Variants in CNTN5 observed in about 807,000 individuals in gnomAD.
CNTN5 encodes contactin 5.
In CNTN5, 77 loss-of-function variants were observed where a neutral mutation model predicts 129.1. That is an observed-to-expected ratio of 0.60 (90% CI 0.50 to 0.72). The LOEUF (loss-of-function observed/expected upper bound fraction) is 0.72. Among genes scored for constraint, CNTN5 ranks in the 30% least tolerant of loss-of-function variants. CNTN5 has a pLI of 0.00. For missense variants in CNTN5, 1,478 were observed against 1,328.8 expected, an observed-to-expected ratio of 1.11 and a Z score of -1.75; for synonymous variants, 509 against 465.6, an observed-to-expected ratio of 1.09 and a Z score of -1.20.
chr11:99,884,664 T>A (rs1165383874), intron 6 of CNTN5, among the ~76,000 whole-genome samples: 2 of 152,146 alleles, frequency 1.3e-5, no homozygotes, highest in Non-Finnish European at 2.9e-5. Flanking sequence ...CTGTAGAACA[T>A]ATATTACAGA....
chr11:99,390,723 T>A (rs1386386990), intron 2 of CNTN5, among the ~76,000 whole-genome samples: 2 of 152,152 alleles, frequency 1.3e-5, no homozygotes, highest in Non-Finnish European at 2.9e-5. Context: ...CTTCGAACAT[T>A]CCTGGCTACA....
intron 1 of CNTN5, among the ~76,000 whole-genome samples, chr11:99,315,129 T>C (rs369910103): frequency 1.3e-5 from 2 of 149,268 alleles, no homozygotes; most frequent in Non-Finnish European, 3.0e-5. Flanking sequence ...GAATACCCTC[T>C]AGTAGTCATG....
At chr11:99,375,468 A>T (rs1940123700) in intron 2 of CNTN5, among the ~76,000 whole-genome samples, 1 of 152,130 alleles carries the variant, frequency 6.6e-6, no homozygotes, top group African/African-American at 2.4e-5. Flanking sequence ...AGGAGCTAGT[A>T]TTGAGGAATG....
chr11:99,220,897 T>C (rs573471051), intron 1 of CNTN5, among the ~76,000 whole-genome samples: 11 of 151,980 alleles, frequency 7.2e-5, no homozygotes, highest in Non-Finnish European at 1.5e-4. Flanking sequence ...AAAATCAGCT[T>C]TTTAGTCTAC....
At chr11:99,226,403 G>A (rs1035946334) in intron 1 of CNTN5, among the ~76,000 whole-genome samples, 3 of 152,110 alleles carry the variant, frequency 2.0e-5, no homozygotes, top group African/African-American at 7.2e-5. Flanking sequence ...ACAAACAGGT[G>A]ACTTTGAATG....
chr11:99,894,436 A>G (rs1279714966), intron 6 of CNTN5, among the ~76,000 whole-genome samples: 1 of 147,110 alleles, frequency 6.8e-6, no homozygotes, highest in Non-Finnish European at 1.5e-5. Context: ...TTCACAAGCT[A>G]TTTTTGTTTA....
In CNTN5 at chr11:99,339,199, A is replaced by C. The variant is rs1443846590; in HGVS notation, c.-71+13715A>C. On this transcript the variant is annotated intron_variant, in intron 2 of 24. Transcript: ENST00000524871. ...AAAAATTAAAAATGAAAACATTAAA[A>C]TAAAAAAACTTTATCCTTTTGAAAT... 2.3e-3 allele frequency among the ~76,000 whole-genome samples: 8 copies of C among 3,518 alleles called. No homozygotes were observed. The East Asian group carries it at 0.33, about 147-fold the overall frequency. 2.3% of individuals were successfully genotyped at this position (3,518 alleles called of 152,430 possible).
At chr11:100,133,016 C>T (rs1398208687) in intron 13 of CNTN5, among the ~76,000 whole-genome samples, 2 of 150,914 alleles carry the variant, frequency 1.3e-5, no homozygotes, top group Admixed American at 6.6e-5. Flanking sequence ...ATAAAAATAG[C>T]AGAACAGTAT....
At chr11:100,338,126 A>G (rs1227111415) in intron 21 of CNTN5, among the ~76,000 whole-genome samples, 1 of 152,216 alleles carries the variant, frequency 6.6e-6, no homozygotes, top group African/African-American at 2.4e-5. Flanking sequence ...AAATGTGGCT[A>G]ATTACTGTGG....
intron 3 of CNTN5, among the ~76,000 whole-genome samples, chr11:99,558,848 A>C (rs1369953174): frequency 6.6e-6 from 1 of 152,122 alleles, no homozygotes; most frequent in Non-Finnish European, 1.5e-5. Context: ...ATCTTTAATC[A>C]TCATATCTGC....
At chr11:99,396,254 C>T (rs115371174) in intron 2 of CNTN5, among the ~76,000 whole-genome samples, 4,487 of 151,120 alleles carry the variant, frequency 0.03, 212 homozygotes, top group African/African-American at 0.1. Context: ...TTATTAAATA[C>T]GAGCATAATA....
At chr11:99,579,307 A>C (rs370320096) in intron 3 of CNTN5, among the ~76,000 whole-genome samples, 16 of 150,702 alleles carry the variant, frequency 1.1e-4, no homozygotes, top group South Asian at 1.0e-3. Context: ...TGACTTGGCG[A>C]TGTGGGCTCT....
At chr11:99,129,684 CA>C (rs542460502) in intron 1 of CNTN5, among the ~76,000 whole-genome samples, 87 of 152,012 alleles carry the variant, frequency 5.7e-4, no homozygotes, top group African/African-American at 2.1e-3. Context: ...GGTCAAAATA[CA>C]GGAAAAAATG....
intron 8 of CNTN5, among the ~76,000 whole-genome samples, chr11:99,990,492 T>A (rs959863137): frequency 2.3e-4 from 26 of 111,630 alleles, no homozygotes; most frequent in Admixed American, 2.0e-3. Context: ...ACATACATAC[T>A]AGTGATGAAA....
chr11:99,795,644 C>A (rs1319874653), intron 3 of CNTN5, among the ~76,000 whole-genome samples: 1 of 144,922 alleles, frequency 6.9e-6, no homozygotes, highest in African/African-American at 2.6e-5. Context: ...GACATTGTTA[C>A]CCTTTGGATC....
chr11:100,014,886 C>G (rs1052330957), intron 9 of CNTN5, among the ~76,000 whole-genome samples: 2 of 152,112 alleles, frequency 1.3e-5, no homozygotes, highest in East Asian at 1.9e-4. Context: ...TTCTAGAACT[C>G]CAAACCAAGC....
chr11:99,446,203 T>C (rs1409619905), intron 2 of CNTN5, among the ~76,000 whole-genome samples: 1 of 152,148 alleles, frequency 6.6e-6, no homozygotes, highest in East Asian at 1.9e-4. Context: ...ATTGCTCTTA[T>C]ACAGTTTCCT....
intron 17 of CNTN5, among the ~76,000 whole-genome samples, chr11:100,258,261 A>T (rs1950119222): frequency 6.6e-6 from 1 of 152,156 alleles, no homozygotes; most frequent in Admixed American, 6.5e-5. Context: ...AGGAACAAAC[A>T]AAGCCTCCAG....
intron 3 of CNTN5, among the ~76,000 whole-genome samples, chr11:99,640,773 A>T (rs1007670618): frequency 6.6e-6 from 1 of 152,174 alleles, no homozygotes; most frequent in African/African-American, 2.4e-5. Context: ...TTGTGTAAGT[A>T]TACTCTGATA....
Sources: allele counts gnomAD v4.1 joint callset (sites outside exome capture counted in the v4.1 genomes callset), GRCh38; gene constraint gnomAD v4.1.1; transcripts MANE v1.5; gene names NCBI Gene and HGNC (gene_info 2026-07-23, HGNC 2026-07-21).